The following RNF125 variants were observed in gnomAD, a reference collection of about 807,000 sequenced individuals.
RNF125 encodes the protein E3 ubiquitin-protein ligase RNF125.
RNF125 carries 21 observed loss-of-function variants against 26.0 expected under a neutral mutation model. That is an observed-to-expected ratio of 0.81 (90% CI 0.57 to 1.16). The LOEUF (loss-of-function observed/expected upper bound fraction) is 1.16. Ranked by LOEUF, RNF125 falls within the 50% of genes most tolerant of loss-of-function variation. The pLI is 0.00. For missense variants in RNF125, 270 were observed against 299.4 expected, an observed-to-expected ratio of 0.90 and a Z score of 0.72; for synonymous variants, 95 against 109.2, an observed-to-expected ratio of 0.87 and a Z score of 0.81.
At chr18:32,059,954 C>G (rs1426780898) in intron 4 of RNF125, among the ~76,000 whole-genome samples, 1 of 152,102 alleles carries the variant, frequency 6.6e-6, no homozygotes, top group Non-Finnish European at 1.5e-5. Context: ...TGTTTCAATC[C>G]TATTAAAGCA....
chr18:32,053,070 T>C (rs1361595591), intron 4 of RNF125, among the ~76,000 whole-genome samples: 2 of 152,120 alleles, frequency 1.3e-5, no homozygotes, highest in Non-Finnish European at 2.9e-5. Context: ...TAGTAGAAAA[T>C]AGATGTCATT....
intron 4 of RNF125, among the ~76,000 whole-genome samples, chr18:32,047,063 A>G (rs1443929698): frequency 6.6e-6 from 1 of 151,614 alleles, no homozygotes; most frequent in Non-Finnish European, 1.5e-5. Flanking sequence ...TGTTGTTTTT[A>G]GACGTGCTGT....
At chr18:32,042,941 G>A (rs550806411) in intron 3 of RNF125, among the ~76,000 whole-genome samples, 1 of 151,780 alleles carries the variant, frequency 6.6e-6, no homozygotes, top group Admixed American at 6.6e-5. Context: ...TTGAGGTCAG[G>A]AGTTCAAGAC....
chr18:32,074,217 G>T (rs1284834527), downstream of RNF125, among the ~76,000 whole-genome samples: 1 of 152,154 alleles, frequency 6.6e-6, no homozygotes, highest in Non-Finnish European at 1.5e-5. Flanking sequence ...ATCACTGTGT[G>T]TTCCTATATC....
the RNF125 span, among the ~76,000 whole-genome samples, chr18:32,085,700 CAAAAAA>C: frequency 6.4e-5 from 4 of 62,770 alleles, no homozygotes; most frequent in African/African-American, 1.9e-4. Context: ...AACGACTTAT[CAAAAAA>C]AAAAAAAAAA....
chr18:32,052,990 T>C (rs1485363924), intron 4 of RNF125, among the ~76,000 whole-genome samples: 1 of 152,242 alleles, frequency 6.6e-6, no homozygotes, highest in Admixed American at 6.5e-5. Context: ...AATTAAGTTC[T>C]GACACACTTA....
the RNF125 span, among the ~76,000 whole-genome samples, chr18:32,089,274 A>C: frequency 6.6e-6 from 1 of 152,196 alleles, no homozygotes; most frequent in Non-Finnish European, 1.5e-5. Flanking sequence ...GCAAAAATGC[A>C]AAAGAGAACT....
In RNF125 at chr18:32,069,206, A is replaced by C. The variant is rs1002338889; in HGVS notation, c.*822A>C. ...ACAGAGCTAGACTCCATCTCAAAAA[A>C]AAAAAAAAAAAAAATCCATTTAACC... On this transcript the variant is annotated 3_prime_UTR_variant, in exon 6 of 6. Coordinates refer to ENST00000217740, the MANE Select transcript of RNF125 (RefSeq NM_017831.4). 9.2e-5 allele frequency: 14 copies of C among 151,996 alleles called. No individual in the cohort carries two copies. The highest frequency in any genetic ancestry group is 2.1e-4 in the South Asian group (1 of 4,822). The allele number at this position is 151,996 out of a possible 1,614,324, so 9.4% of individuals were successfully genotyped here. A position where few individuals can be genotyped will look rare whatever the true frequency, so the allele number is the denominator to read the frequency against.
At chr18:32,054,587 T>C (rs1016691792) in intron 4 of RNF125, among the ~76,000 whole-genome samples, 4 of 152,218 alleles carry the variant, frequency 2.6e-5, no homozygotes, top group African/African-American at 9.6e-5. Context: ...AGGAAAGTTA[T>C]ATCATTGAAA....
chr18:32,084,780 G>C, the RNF125 span, among the ~76,000 whole-genome samples: 1 of 152,080 alleles, frequency 6.6e-6, no homozygotes, highest in African/African-American at 2.4e-5. Flanking sequence ...CAGGGTCACC[G>C]GGGCTACTCA....
In RNF125 at chr18:32,069,585, C is replaced by T. The variant is rs1046840660; in HGVS notation, c.*1201C>T. Reference sequence around the variant, plus strand: ...TTTTAGGACTCAGCCAGTCACCCCACGTGTCCTTTTTGTGTCCTGTCACAA... The same window carrying T: ...TTTTAGGACTCAGCCAGTCACCCCATGTGTCCTTTTTGTGTCCTGTCACAA... On this transcript the variant is annotated 3_prime_UTR_variant, in exon 6 of 6. Transcript: ENST00000217740. 6.6e-6 allele frequency: 1 copy of T among 152,168 alleles called. No homozygotes were observed. Among genetic ancestry groups the T allele is most frequent in the Non-Finnish European group, 1.5e-5 (1 of 68,032 alleles). The allele number at this position is 152,168 out of a possible 1,614,324, so 9.4% of individuals were successfully genotyped here. A position where few individuals can be genotyped will look rare whatever the true frequency, so the allele number is the denominator to read the frequency against.
Position 32,068,495 on chromosome 18 carries a change from G to A in RNF125, c.*111G>A. 1 of 677,670 alleles carries A rather than the reference G, an allele frequency of 1.5e-6. No homozygotes were observed. The allele number at this position is 677,670 out of a possible 1,614,324, so 42.0% of individuals were successfully genotyped here. ...TTGATGGGCAAAAATGTACAACACA[G>A]TTATGTGTTTGTCCATGTTTATTGT... On this transcript the variant is annotated 3_prime_UTR_variant, in exon 6 of 6. Coordinates refer to ENST00000217740, the MANE Select transcript of RNF125 (RefSeq NM_017831.4).
At position 32,068,432 on chromosome 18, in the gene RNF125, G is replaced by A. The variant is rs371439734; in HGVS notation, c.*48G>A. On this transcript the variant is annotated 3_prime_UTR_variant, in exon 6 of 6. Coordinates refer to ENST00000217740, the MANE Select transcript of RNF125 (RefSeq NM_017831.4). Reference sequence around the variant, plus strand: ...GGGACCACTGAATTGCACCATTTAAGATGCTGCTTGAACAAATGGGAGGGA... The same window carrying A: ...GGGACCACTGAATTGCACCATTTAAAATGCTGCTTGAACAAATGGGAGGGA... 2.8e-6 allele frequency: 3 copies of A among 1,054,310 alleles called. No homozygotes were observed. Among genetic ancestry groups the A allele is most frequent in the Non-Finnish European group, 4.4e-6 (3 of 675,252 alleles). 65.3% of individuals were successfully genotyped at this position (1,054,310 alleles called of 1,614,324 possible).
At chr18:32,076,745 T>A (rs1350608762), downstream of RNF125, among the ~76,000 whole-genome samples, 1 of 152,188 alleles carries the variant, frequency 6.6e-6, no homozygotes, top group Non-Finnish European at 1.5e-5. Flanking sequence ...TCGGCCACAC[T>A]GTTAGGTTTA....
At chr18:32,060,399 G>A (rs1484988862) in intron 4 of RNF125, among the ~76,000 whole-genome samples, 9 of 152,194 alleles carry the variant, frequency 5.9e-5, no homozygotes, top group Non-Finnish European at 5.9e-5. Context: ...GTAAGTGGGA[G>A]GCTAATCTTA....
chr18:32,051,694 CTT>C (rs71177837), intron 4 of RNF125, among the ~76,000 whole-genome samples: 5 of 117,992 alleles, frequency 4.2e-5, no homozygotes, highest in African/African-American at 6.8e-5. Context: ...TATTTTCTTT[CTT>C]TTTTTTTTTT....
At chr18:32,066,545 ATC>A (rs1464778244) in intron 5 of RNF125, among the ~76,000 whole-genome samples, 2 of 152,154 alleles carry the variant, frequency 1.3e-5, no homozygotes, top group African/African-American at 4.8e-5. Context: ...CATGCTTTCT[ATC>A]TGCCAATTAT....
intron 2 of RNF125, among the ~76,000 whole-genome samples, chr18:32,041,095 A>AC (rs2039212017): frequency 6.6e-6 from 1 of 152,188 alleles, no homozygotes; most frequent in African/African-American, 2.4e-5. Flanking sequence ...CGGCCACCTT[A>AC]CCACAGCTGT....
At position 32,058,753 on chromosome 18, in the gene RNF125, C is replaced by G. The variant is rs868082301; in HGVS notation, c.505-7149C>G. ...CTAACTATATTTGTGTACCCATTAA[C>G]CATGCCCACTTCCCCCAATCCCCAC... On this transcript the variant is annotated intron_variant, in intron 4 of 5. Transcript: ENST00000217740. 3.9e-5 allele frequency among the ~76,000 whole-genome samples: 6 copies of G among 152,300 alleles called. No homozygotes were observed. In the South Asian group the frequency reaches 1.2e-3, roughly 32 times the overall value.
Sources: allele counts gnomAD v4.1 joint callset (sites outside exome capture counted in the v4.1 genomes callset), GRCh38; gene constraint gnomAD v4.1.1; transcripts MANE v1.5; gene names NCBI Gene and HGNC (gene_info 2026-07-23, HGNC 2026-07-21).